The following ADAMTS20 variants were observed in gnomAD, a reference collection of about 807,000 sequenced individuals.
ADAMTS20 encodes A disintegrin and metalloproteinase with thrombospondin motifs 20.
In ADAMTS20, 225 loss-of-function variants were observed where a neutral mutation model predicts 260.1. That is an observed-to-expected ratio of 0.87 (90% confidence interval 0.78 to 0.97). The LOEUF (loss-of-function observed/expected upper bound fraction) is 0.97, where lower values mean the gene tolerates loss of function less well. ADAMTS20 is among the 50% of genes least tolerant of loss of function. The probability of loss-of-function intolerance (pLI) is 0.00; values close to 1 mark genes in which losing one functional copy is unlikely to be tolerated. For missense variants in ADAMTS20, 2,400 were observed against 2,337.7 expected (o/e 1.03, Z -0.55); for synonymous variants, 802 against 769.5 (o/e 1.04, Z -0.70).
chr12:43,378,328 C>T (rs1940274868), intron 31 of ADAMTS20, among the ~76,000 whole-genome samples: 2 of 152,204 alleles, frequency 1.3e-5, no homozygotes, highest in South Asian at 2.1e-4. Flanking sequence ...TGTGTACATA[C>T]CTGTGAGGAC....
chr12:43,492,760 C>T, intron 5 of ADAMTS20, 131 bp from the exon 6 acceptor site: 1 of 963,706 alleles, frequency 1.0e-6, no homozygotes, highest in Non-Finnish European at 1.5e-6. Flanking sequence ...AGCATCTCTT[C>T]TTCATATATT....
intron 2 of ADAMTS20, among the ~76,000 whole-genome samples, chr12:43,536,210 T>C (rs1450014915): frequency 6.6e-6 from 1 of 152,156 alleles, no homozygotes; most frequent in Non-Finnish European, 1.5e-5. Flanking sequence ...GTTAAGTCAC[T>C]TGTCCAAGGC....
rs777288897 is a variant in ADAMTS20 at position 43,551,787 on chromosome 12, C to T, written c.91+44G>A. On this transcript the variant is annotated intron_variant, in intron 1 of 38. Transcript: ENST00000389420. This position sits in a 1 kb window ranked among gnomAD's most constrained non-coding sequence, Gnocchi z 4.6. ...CGACCTGCATGTCCCACTCGGGCCCCGCGCCCCCACTTAGCCGCTGAAGGC... is the reference window on the plus strand; with the variant it reads ...CGACCTGCATGTCCCACTCGGGCCCTGCGCCCCCACTTAGCCGCTGAAGGC... 1 of 1,599,890 alleles carries T rather than the reference C, an allele frequency of 6.3e-7. No individual in the cohort carries two copies. The highest frequency in any genetic ancestry group is 1.1e-5 in the South Asian group (1 of 90,820).
chr12:43,439,804 A>G (rs1204186996), intron 17 of ADAMTS20, 53 bp from the exon 18 acceptor site: 6 of 1,557,508 alleles, frequency 3.9e-6, no homozygotes, highest in Non-Finnish European at 8.7e-7. Context: ...TATATTCTTG[A>G]CATCATTTTA....
intron 19 of ADAMTS20, chr12:43,433,930 T>A: frequency 2.7e-6 from 1 of 369,852 alleles, no homozygotes; most frequent in Non-Finnish European, 5.1e-6. Context: ...TGCTAAAAAA[T>A]TTATTGTTTC....
chr12:43,425,520 CCAT>C lies in ADAMTS20; in HGVS notation c.4275_4277del (p.Trp1426del). On this transcript the variant is annotated inframe_deletion, in exon 28 of 39. Transcript: ENST00000389420. ...GACAAGAGTGCTATCATACCGATGT[CCAT>C]GGTTCCTGATGCCATGACACATCAG... The C allele has an allele frequency of 2.0e-6, 3 of 1,517,138 alleles. No homozygotes were observed. The highest frequency in any genetic ancestry group is 1.8e-6 in the Non-Finnish European group (2 of 1,122,178). The allele number at this position is 1,517,138 out of a possible 1,614,324, so 94.0% of individuals were successfully genotyped here.
At chr12:43,483,997 C>A (rs1469975950) in intron 7 of ADAMTS20, among the ~76,000 whole-genome samples, 1 of 152,150 alleles carries the variant, frequency 6.6e-6, no homozygotes, top group African/African-American at 2.4e-5. Flanking sequence ...AACCCATAGA[C>A]CCACCACATC....
rs796668654 is a variant in ADAMTS20, at chr12:43,508,913, A to G, written c.614-6508T>C. On this transcript the variant is annotated intron_variant, in intron 3 of 38. Transcript: ENST00000389420. The stretch of plus-strand genomic sequence containing the variant: ...TTTTCCTGAAGTTCTCCCTCCCCCA[A>G]CCCTGACAGGCCCCAGTGTGTGTTT... Among the ~76,000 whole-genome samples the G allele has an allele frequency of 4.0e-5, 6 of 151,836 alleles. No individual in the cohort carries two copies. The South Asian group carries it at 6.2e-4, about 16-fold the overall frequency.
chr12:43,505,960 G>A (rs1942834786), intron 3 of ADAMTS20, among the ~76,000 whole-genome samples: 1 of 152,158 alleles, frequency 6.6e-6, no homozygotes, highest in African/African-American at 2.4e-5. Context: ...ATATTATTCA[G>A]TATATAAAAG....
intron 15 of ADAMTS20, among the ~76,000 whole-genome samples, chr12:43,444,681 A>C (rs1033328125): frequency 1.3e-5 from 2 of 152,162 alleles, no homozygotes; most frequent in Non-Finnish European, 2.9e-5. Flanking sequence ...TAAATATACA[A>C]TTAGTTATAC....
Position 43,483,847 on chromosome 12 carries a change from C to T in ADAMTS20, c.1117+6548G>A, listed in dbSNP as rs563394867. 2.0e-5 allele frequency among the ~76,000 whole-genome samples: 3 copies of T among 152,272 alleles called. No individual in the cohort carries two copies. The East Asian group carries it at 5.8e-4, about 29-fold the overall frequency. On this transcript the variant is annotated intron_variant, in intron 7 of 38. Coordinates refer to ENST00000389420, the MANE Select transcript of ADAMTS20 (RefSeq NM_025003.5). ...CGCAGCCAGTTTTTACCCATGGGTA[C>T]CGCTTACTGGCCTGAAGCATGAACT... is the stretch of plus-strand genomic sequence containing the variant.
At chr12:43,413,317 T>C (rs568177511) in intron 28 of ADAMTS20, among the ~76,000 whole-genome samples, 3 of 152,250 alleles carry the variant, frequency 2.0e-5, no homozygotes, top group East Asian at 1.9e-4. Context: ...TCAACTATTA[T>C]AGGGTTTGTG....
At chr12:43,449,151 T>C (rs1941817745) in intron 14 of ADAMTS20, among the ~76,000 whole-genome samples, 1 of 152,090 alleles carries the variant, frequency 6.6e-6, no homozygotes, top group East Asian at 1.9e-4. Context: ...CCCAAAGGAA[T>C]ATAAGTTGTT....
intron 37 of ADAMTS20, among the ~76,000 whole-genome samples, chr12:43,366,253 A>G (rs1262801446): frequency 6.6e-6 from 1 of 151,918 alleles, no homozygotes; most frequent in Non-Finnish European, 1.5e-5. Context: ...AGAATATTTT[A>G]TAATAATAAA....
At chr12:43,530,501 C>G (rs1013493450) in intron 3 of ADAMTS20, among the ~76,000 whole-genome samples, 7 of 152,154 alleles carry the variant, frequency 4.6e-5, no homozygotes, top group African/African-American at 1.4e-4. Context: ...GTGAGAACCA[C>G]TCTAAAGGTT....
intron 29 of ADAMTS20, among the ~76,000 whole-genome samples, chr12:43,388,398 T>C (rs1484782814): frequency 1.3e-5 from 2 of 152,160 alleles, no homozygotes; most frequent in Admixed American, 6.5e-5. Context: ...GGTACCTCAG[T>C]TGGAAATGCA....
chr12:43,482,652 G>C (rs1247067761), intron 7 of ADAMTS20, among the ~76,000 whole-genome samples: 1 of 152,162 alleles, frequency 6.6e-6, no homozygotes, highest in East Asian at 1.9e-4. Context: ...GCACAGACTT[G>C]CCTGACCCAT....
At chr12:43,406,618 C>T (rs1940924961) in intron 28 of ADAMTS20, among the ~76,000 whole-genome samples, 1 of 152,070 alleles carries the variant, frequency 6.6e-6, no homozygotes, top group Non-Finnish European at 1.5e-5. Flanking sequence ...CCTATAATAA[C>T]ATTCTCTAAA....
intron 10 of ADAMTS20, among the ~76,000 whole-genome samples, chr12:43,464,213 G>C (rs1942113231): frequency 1.3e-5 from 2 of 151,970 alleles, no homozygotes; most frequent in Admixed American, 1.3e-4. Context: ...CTATTAGTTA[G>C]ATTCCTGGTG....
Sources: gnomAD v4.1 joint callset for allele counts (sites outside exome capture counted in the v4.1 genomes callset) on GRCh38, gnomAD v4.1.1 for gene constraint, Gnocchi (gnomAD v3.1) non-coding constraint, MANE v1.5 for transcripts, NCBI Gene and HGNC (gene_info 2026-07-23, HGNC 2026-07-21) for gene names.